The following PPP2R5E variants were observed in gnomAD, a reference collection of about 807,000 sequenced individuals.
PPP2R5E encodes serine/threonine-protein phosphatase 2A 56 kDa regulatory subunit epsilon isoform.
A neutral mutation model predicts 65.3 loss-of-function variants in PPP2R5E; 4 were observed. That is an observed-to-expected ratio of 0.06 (90% CI 0.03 to 0.14). PPP2R5E has a LOEUF of 0.14. Among genes scored for constraint, PPP2R5E ranks in the 10% least tolerant of loss-of-function variants. The pLI, the probability that PPP2R5E is intolerant of heterozygous loss-of-function variation, is 1.00. For synonymous variants in PPP2R5E, 183 were observed against 187.4 expected (o/e 0.98, Z 0.19); for missense variants, 274 against 556.1 (o/e 0.49, Z 5.10).
chr14:63,518,940 C>T (rs1224006740), intron 2 of PPP2R5E, among the ~76,000 whole-genome samples: 1 of 152,042 alleles, frequency 6.6e-6, no homozygotes, highest in African/African-American at 2.4e-5. Context: ...TAAAAGAGGC[C>T]GGGCGCAGTG....
In PPP2R5E at chr14:63,374,341, A is replaced by G. The variant is rs1200601461; in HGVS notation, c.*1668T>C. On this transcript the variant is annotated 3_prime_UTR_variant, in exon 14 of 14. Coordinates refer to ENST00000337537, the MANE Select transcript of PPP2R5E (RefSeq NM_006246.5). ...ATATTTATATTGTATTTCTATTAAG[A>G]GCAACAATAGTTCATATGTTCATGT... 1 of 151,876 alleles carries G rather than the reference A, an allele frequency of 6.6e-6. No homozygotes were observed. The highest frequency in any genetic ancestry group is 1.5e-5 in the Non-Finnish European group (1 of 67,966). The allele number at this position is 151,876 out of a possible 1,614,324, so 9.4% of individuals were successfully genotyped here. A position where few individuals can be genotyped will look rare whatever the true frequency, so the allele number is the denominator to read the frequency against.
intron 2 of PPP2R5E, among the ~76,000 whole-genome samples, chr14:63,497,438 G>A (rs1891623480): frequency 1.3e-5 from 2 of 152,104 alleles, no homozygotes; most frequent in South Asian, 4.1e-4. Context: ...AAAAATACAG[G>A]GTAACTAAAT....
intron 2 of PPP2R5E, among the ~76,000 whole-genome samples, chr14:63,455,815 A>T (rs1220473029): frequency 5.3e-5 from 8 of 152,112 alleles, no homozygotes; most frequent in African/African-American, 1.2e-4. Context: ...GATGCTGCAA[A>T]GGGGGCAAGA....
At chr14:63,537,317 A>G (rs750007068) in intron 2 of PPP2R5E, among the ~76,000 whole-genome samples, 9 of 152,144 alleles carry the variant, frequency 5.9e-5, no homozygotes, top group Non-Finnish European at 1.0e-4. Flanking sequence ...TATCTACTTC[A>G]GATTAAATAG....
chr14:63,453,460 G>A (rs1888960368), intron 3 of PPP2R5E: 1 of 321,652 alleles, frequency 3.1e-6, no homozygotes, highest in Non-Finnish European at 5.6e-6. Flanking sequence ...TTCATATTTT[G>A]AAGTCATTTA....
intron 3 of PPP2R5E, among the ~76,000 whole-genome samples, chr14:63,447,465 ACT>A (rs1211796018): frequency 6.6e-6 from 1 of 151,838 alleles, no homozygotes; most frequent in Admixed American, 6.6e-5. Context: ...AGCTTCCTCA[ACT>A]CTCTCAGCCT....
intron 3 of PPP2R5E, among the ~76,000 whole-genome samples, chr14:63,437,677 G>A (rs540380678): frequency 2.6e-5 from 4 of 152,116 alleles, no homozygotes; most frequent in African/African-American, 9.6e-5. Context: ...CTGCAGGAAG[G>A]CCAATTCCAC....
At chr14:63,481,547 A>G (rs1890703332) in intron 2 of PPP2R5E, among the ~76,000 whole-genome samples, 1 of 151,966 alleles carries the variant, frequency 6.6e-6, no homozygotes, top group Non-Finnish European at 1.5e-5. Context: ...TTCTGGCAAT[A>G]ATCAATATTC....
chr14:63,456,836 C>T (rs963706292), intron 2 of PPP2R5E, among the ~76,000 whole-genome samples: 4 of 152,176 alleles, frequency 2.6e-5, no homozygotes, highest in Non-Finnish European at 4.4e-5. Context: ...AATGACTCTC[C>T]ATTCATAAAG....
intron 2 of PPP2R5E, among the ~76,000 whole-genome samples, chr14:63,527,053 C>T (rs1356359452): frequency 1.3e-5 from 2 of 152,198 alleles, no homozygotes; most frequent in East Asian, 3.9e-4. Flanking sequence ...CCTGTAATCC[C>T]AGCTACTCGG....
chr14:63,437,311 T>C (rs1183998907), intron 3 of PPP2R5E, among the ~76,000 whole-genome samples: 4 of 152,212 alleles, frequency 2.6e-5, no homozygotes, highest in Non-Finnish European at 4.4e-5. Flanking sequence ...TTTATGCCTA[T>C]GGACTAGCCC....
chr14:63,419,442 T>C (rs1382783394), intron 4 of PPP2R5E, among the ~76,000 whole-genome samples: 2 of 152,194 alleles, frequency 1.3e-5, no homozygotes, highest in Non-Finnish European at 2.9e-5. Flanking sequence ...TTAAACTTCA[T>C]GATAGGTGAC....
intron 3 of PPP2R5E, 130 bp downstream of exon 3, chr14:63,453,559 G>T: frequency 2.5e-6 from 2 of 799,590 alleles, no homozygotes; most frequent in Non-Finnish European, 3.8e-6. Flanking sequence ...GACTACATTT[G>T]CTTAGCTCTC....
At chr14:63,511,351 A>T (rs1020586078) in intron 2 of PPP2R5E, among the ~76,000 whole-genome samples, 18 of 152,258 alleles carry the variant, frequency 1.2e-4, no homozygotes, top group Admixed American at 1.2e-3. Flanking sequence ...GGATGATGAG[A>T]CTCACAAAGC....
At chr14:63,491,397 C>G (rs186081436) in intron 2 of PPP2R5E, among the ~76,000 whole-genome samples, 1 of 151,854 alleles carries the variant, frequency 6.6e-6, no homozygotes, top group African/African-American at 2.4e-5. Context: ...AGCAGTATGA[C>G]CAGTCCTTAT....
chr14:63,460,164 C>T (rs1313008047), intron 2 of PPP2R5E, among the ~76,000 whole-genome samples: 1 of 152,178 alleles, frequency 6.6e-6, no homozygotes, highest in Non-Finnish European at 1.5e-5. Flanking sequence ...ACACTTACAA[C>T]CATAAAGCAC....
In PPP2R5E at chr14:63,391,674, C is replaced by T. The variant is rs185040202; in HGVS notation, c.954+143G>A. 9.1e-4 allele frequency: 730 copies of T among 806,120 alleles called. No homozygotes were observed. The Middle Eastern group carries it at 0.011, about 13-fold the overall frequency. 49.9% of individuals were successfully genotyped at this position (806,120 alleles called of 1,614,324 possible). A position where few individuals can be genotyped will look rare whatever the true frequency, so the allele number is the denominator to read the frequency against. On this transcript the variant is annotated intron_variant, in intron 10 of 13. Coordinates refer to ENST00000337537, the MANE Select transcript of PPP2R5E (RefSeq NM_006246.5). ...CCGACCTCAGGTGATCTGCCCGCCT[C>T]GGCCTCCCAAAGTGCTGGGATTACA... is the stretch of plus-strand genomic sequence containing the variant.
chr14:63,470,984 G>C (rs1335992577), intron 2 of PPP2R5E, among the ~76,000 whole-genome samples: 1 of 152,136 alleles, frequency 6.6e-6, no homozygotes. Context: ...ACCCCACCCT[G>C]AAGTCCAAAG....
intron 4 of PPP2R5E, among the ~76,000 whole-genome samples, 166 bp from the exon 5 acceptor site, chr14:63,415,398 G>A (rs1410175563): frequency 6.6e-6 from 1 of 152,070 alleles, no homozygotes; most frequent in African/African-American, 2.4e-5. Flanking sequence ...TTGCTGTTAT[G>A]CTTTCAACTT....
Sources: allele counts gnomAD v4.1 joint callset (sites outside exome capture counted in the v4.1 genomes callset), GRCh38; gene constraint gnomAD v4.1.1; transcripts MANE v1.5; gene names NCBI Gene and HGNC (gene_info 2026-07-23, HGNC 2026-07-21).